Variants in SLC22A23 observed in about 807,000 individuals in gnomAD.
The protein encoded by SLC22A23 is ion transporter protein.
In SLC22A23, 26 loss-of-function variants were observed where a neutral mutation model predicts 61.0. The observed-to-expected ratio is 0.43, with a 90% CI of 0.31 to 0.59. The LOEUF (loss-of-function observed/expected upper bound fraction) is 0.59, where lower values mean the gene tolerates loss of function less well. SLC22A23 is among the 20% of genes least tolerant of loss of function. SLC22A23 has a pLI of 0.11. For missense variants in SLC22A23, 796 were observed against 934.7 expected (o/e 0.85, Z 1.94); for synonymous variants, 430 against 413.9 (o/e 1.04, Z -0.47).
intron 3 of SLC22A23, among the ~76,000 whole-genome samples, chr6:3,344,977 G>A (rs773595076): frequency 6.6e-6 from 1 of 152,206 alleles, no homozygotes; most frequent in Non-Finnish European, 1.5e-5. Context: ...TCCTCACTGA[G>A]CAAACTTCCT....
intron 3 of SLC22A23, among the ~76,000 whole-genome samples, chr6:3,337,862 G>C (rs73720530): frequency 6.6e-6 from 1 of 152,178 alleles, no homozygotes; most frequent in Admixed American, 6.5e-5. Flanking sequence ...TGCTACTTTC[G>C]CATAAGGATT....
At chr6:3,287,504 G>A (rs935493596) in intron 6 of SLC22A23, among the ~76,000 whole-genome samples, 1 of 152,046 alleles carries the variant, frequency 6.6e-6, no homozygotes, top group Non-Finnish European at 1.5e-5. Context: ...AGAGCAGCTC[G>A]CACGAGGCTC....
chr6:3,340,180 T>G (rs906821514), intron 3 of SLC22A23, among the ~76,000 whole-genome samples: 2 of 152,172 alleles, frequency 1.3e-5, no homozygotes, highest in Non-Finnish European at 2.9e-5. Flanking sequence ...TGAAATTGGT[T>G]GGCATTTCCA....
Position 3,323,777 on chromosome 6 carries a change from C to T in SLC22A23, c.1082+57G>A, listed in dbSNP as rs1763107057. 4 of 1,549,466 alleles carry T rather than the reference C, an allele frequency of 2.6e-6. No homozygotes were observed. In the South Asian group the frequency reaches 3.6e-5, roughly 14 times the overall value. On this transcript the variant is annotated intron_variant, in intron 4 of 9. Coordinates refer to ENST00000406686, the MANE Select transcript of SLC22A23 (RefSeq NM_015482.2). ...ATTGTGTGTCCTGCCCGGGGCCGGG[C>T]CTTCAGGAAGCATGTGCAGTCGCAC...
At chr6:3,279,161 G>A (rs7746773) in intron 9 of SLC22A23, among the ~76,000 whole-genome samples, 98,918 of 151,948 alleles carry the variant, frequency 0.65, 38,445 homozygotes, top group Non-Finnish European at 0.86. Flanking sequence ...TATATAATAT[G>A]GAATATATCT....
At chr6:3,354,102 G>A (rs1373381397) in intron 3 of SLC22A23, among the ~76,000 whole-genome samples, 3 of 152,202 alleles carry the variant, frequency 2.0e-5, no homozygotes, top group Non-Finnish European at 4.4e-5. Flanking sequence ...AAATTTCGAT[G>A]GTGATCACAT....
In SLC22A23 at chr6:3,317,467, T is replaced by C. The variant is rs1762707283; in HGVS notation, c.1082+6367A>G. ...TCTAAGCAGAATTCCTCCTAGATGC[T>C]CCTAGATACTCCCTTCTTCTTGTGG... On this transcript the variant is annotated intron_variant, in intron 4 of 9. Coordinates refer to ENST00000406686, the MANE Select transcript of SLC22A23 (RefSeq NM_015482.2). The surrounding 1 kb of genome is among the most constrained non-coding windows in gnomAD (Gnocchi z 4.4). 6.6e-6 allele frequency among the ~76,000 whole-genome samples: 1 copy of C among 152,168 alleles called. No homozygotes were observed. Among genetic ancestry groups the C allele is most frequent in the Non-Finnish European group, 1.5e-5 (1 of 68,028 alleles).
At chr6:3,378,561 T>A (rs1766733155) in intron 3 of SLC22A23, among the ~76,000 whole-genome samples, 1 of 152,054 alleles carries the variant, frequency 6.6e-6, no homozygotes, top group Admixed American at 6.6e-5. Context: ...AGACTGGAAG[T>A]CTAAGTTCTC....
intron 3 of SLC22A23, among the ~76,000 whole-genome samples, chr6:3,353,669 C>G (rs895931749): frequency 6.6e-6 from 1 of 152,158 alleles, no homozygotes; most frequent in Non-Finnish European, 1.5e-5. Flanking sequence ...CTGTGCTCGC[C>G]TCGTCCCATT....
At chr6:3,420,553 AG>A (rs1173935293) in intron 1 of SLC22A23, among the ~76,000 whole-genome samples, 5 of 152,196 alleles carry the variant, frequency 3.3e-5, no homozygotes. Context: ...AGAAAAACTA[AG>A]GGGGAAAAAC....
At chr6:3,334,369 C>G (rs901504439) in intron 3 of SLC22A23, among the ~76,000 whole-genome samples, 1 of 152,210 alleles carries the variant, frequency 6.6e-6, no homozygotes, top group African/African-American at 2.4e-5. Context: ...CCATGTTGGC[C>G]AGGCTGGTCT....
Position 3,342,501 on chromosome 6 carries a change from T to G in SLC22A23, c.914-18499A>C, listed in dbSNP as rs541832728. 1.3e-5 allele frequency among the ~76,000 whole-genome samples: 2 copies of G among 152,196 alleles called. No individual in the cohort carries two copies. Among genetic ancestry groups the G allele is most frequent in the Admixed American group, 6.5e-5 (1 of 15,296 alleles). ...AGTCTGCAGAGGTCCCTGAAAACAG[T>G]GCTTCTCAAAGGTGGGGCCTCCTTG... On this transcript the variant is annotated intron_variant, in intron 3 of 9. Coordinates refer to ENST00000406686, the MANE Select transcript of SLC22A23 (RefSeq NM_015482.2). This position sits in a 1 kb window ranked among gnomAD's most constrained non-coding sequence, Gnocchi z 4.0.
chr6:3,352,412 C>T (rs996021148), intron 3 of SLC22A23, among the ~76,000 whole-genome samples: 2 of 151,930 alleles, frequency 1.3e-5, no homozygotes, highest in African/African-American at 4.8e-5. Flanking sequence ...GCCACAGAAG[C>T]TCACCGGCAT....
At chr6:3,294,376 A>G (rs908619819) in intron 5 of SLC22A23, among the ~76,000 whole-genome samples, 2 of 152,208 alleles carry the variant, frequency 1.3e-5, no homozygotes, top group African/African-American at 4.8e-5. Context: ...GAGCACCCAC[A>G]TGATTCTCAA....
chr6:3,323,285 CTG>C (rs971572914), intron 4 of SLC22A23: 23 of 456,412 alleles, frequency 5.0e-5, no homozygotes, highest in Admixed American at 4.9e-4. Context: ...CCACTCAACT[CTG>C]TGAATAGCCA....
In SLC22A23 at chr6:3,362,705, G is replaced by A. The variant is rs962741308; in HGVS notation, c.914-38703C>T. Among the ~76,000 whole-genome samples, 6 of 152,162 alleles carry A rather than the reference G, an allele frequency of 3.9e-5. 1 individual carries two copies. Among genetic ancestry groups the A allele is most frequent in the African/African-American group, 1.4e-4 (6 of 41,432 alleles). On this transcript the variant is annotated intron_variant, in intron 3 of 9. Coordinates refer to ENST00000406686, the MANE Select transcript of SLC22A23 (RefSeq NM_015482.2). ...CCTCTCCGTCTCTCCACTACACAGAGTGAGGATGGGAGAACCAGAGCCCAG... is the reference window on the plus strand; with the variant it reads ...CCTCTCCGTCTCTCCACTACACAGAATGAGGATGGGAGAACCAGAGCCCAG...
At chr6:3,420,168 C>T (rs774045515) in intron 1 of SLC22A23, among the ~76,000 whole-genome samples, 1 of 145,250 alleles carries the variant, frequency 6.9e-6, no homozygotes, top group African/African-American at 2.5e-5. Flanking sequence ...AGTGGTGAGA[C>T]AAATGACTCC....
intron 3 of SLC22A23, among the ~76,000 whole-genome samples, chr6:3,365,821 A>C (rs1328002419): frequency 2.6e-5 from 4 of 152,224 alleles, no homozygotes; most frequent in African/African-American, 9.6e-5. Context: ...GTCTACTGGA[A>C]ACAGCAGCAG....
rs944935273 is a variant in SLC22A23, at chr6:3,427,229, G to A, written c.655-11374C>T. ...TGTTACAAGAGTCAAAAATAACATC[G>A]GGAATGCGCCTGGTGCAGTAACCGG... On this transcript the variant is annotated intron_variant, in intron 1 of 9. Coordinates refer to ENST00000406686, the MANE Select transcript of SLC22A23 (RefSeq NM_015482.2). The surrounding 1 kb of genome is among the most constrained non-coding windows in gnomAD (Gnocchi z 4.3). Among the ~76,000 whole-genome samples the A allele has an allele frequency of 2.6e-5, 4 of 152,268 alleles. No individual in the cohort carries two copies. The highest frequency in any genetic ancestry group is 2.0e-4 in the Admixed American group (3 of 15,306).
Sources: gnomAD v4.1 joint callset for allele counts (sites outside exome capture counted in the v4.1 genomes callset) on GRCh38, gnomAD v4.1.1 for gene constraint, Gnocchi (gnomAD v3.1) non-coding constraint, MANE v1.5 for transcripts, NCBI Gene and HGNC (gene_info 2026-07-23, HGNC 2026-07-21) for gene names.